Variants in COX10 observed in about 807,000 individuals in gnomAD.
The protein encoded by COX10 is protoheme IX farnesyltransferase, mitochondrial.
A neutral mutation model predicts 37.3 loss-of-function variants in COX10; 27 were observed. The ratio of observed to expected loss-of-function variants is 0.72; its 90% CI spans 0.53 to 1.00. The LOEUF (loss-of-function observed/expected upper bound fraction) is 1.00, where lower values mean the gene tolerates loss of function less well. COX10 is among the 50% of genes least tolerant of loss of function. COX10 has a pLI of 0.00. For missense variants in COX10, 475 were observed against 563.2 expected, an observed-to-expected ratio of 0.84 and a Z score of 1.59; for synonymous variants, 222 against 229.1, an observed-to-expected ratio of 0.97 and a Z score of 0.28.
chr17:14,134,916 A>G lies in COX10; in HGVS notation c.625-24961A>G, dbSNP rs568189999. On this transcript the variant is annotated intron_variant, in intron 4 of 6. Coordinates refer to ENST00000261643, the MANE Select transcript of COX10 (RefSeq NM_001303.4). ...TAACGTTGCAGAACTGTATAGTACA[A>G]TATTACAAGCAGGATGTTGACTTTT... 6.6e-5 allele frequency among the ~76,000 whole-genome samples: 10 copies of G among 151,940 alleles called. No individual in the cohort carries two copies. In the East Asian group the frequency reaches 7.7e-4, roughly 12 times the overall value.
At chr17:14,160,747 G>A (rs1417455978) in intron 5 of COX10, among the ~76,000 whole-genome samples, 1 of 152,168 alleles carries the variant, frequency 6.6e-6, no homozygotes, top group Non-Finnish European at 1.5e-5. Context: ...GCTGGTTTTA[G>A]ACATTTCTCA....
chr17:14,153,400 T>G (rs1189958805), intron 4 of COX10, among the ~76,000 whole-genome samples: 1 of 152,204 alleles, frequency 6.6e-6, no homozygotes, highest in East Asian at 1.9e-4. Flanking sequence ...TATTTTACAT[T>G]AAATGGCAGG....
chr17:14,197,931 C>T (rs1333503465), intron 6 of COX10, among the ~76,000 whole-genome samples: 2 of 152,196 alleles, frequency 1.3e-5, no homozygotes, highest in Non-Finnish European at 2.9e-5. Flanking sequence ...GTCCATTTTC[C>T]TCTCAGCCTC....
intron 4 of COX10, among the ~76,000 whole-genome samples, chr17:14,149,336 A>C (rs1482842560): frequency 1.3e-5 from 2 of 152,216 alleles, no homozygotes; most frequent in Non-Finnish European, 2.9e-5. Context: ...GGTATGATGT[A>C]TATGAAATGA....
intron 6 of COX10, among the ~76,000 whole-genome samples, chr17:14,192,545 T>G (rs550234048): frequency 7.0e-4 from 107 of 152,244 alleles, no homozygotes; most frequent in African/African-American, 2.5e-3. Flanking sequence ...AAGCTAGGAC[T>G]AACGAATTCA....
chr17:14,161,549 C>G (rs939151887), intron 5 of COX10, among the ~76,000 whole-genome samples: 11 of 152,162 alleles, frequency 7.2e-5, no homozygotes, highest in African/African-American at 2.6e-4. Flanking sequence ...GAGGGTGTTT[C>G]CAGAGGAGGA....
chr17:14,182,979 T>G (rs527580474), intron 5 of COX10, among the ~76,000 whole-genome samples: 1 of 152,164 alleles, frequency 6.6e-6, no homozygotes, highest in East Asian at 1.9e-4. Context: ...CTGTAGAAAA[T>G]TATACTTTCG....
chr17:14,158,479 T>C (rs1905099887), intron 4 of COX10, among the ~76,000 whole-genome samples: 1 of 151,554 alleles, frequency 6.6e-6, no homozygotes, highest in Admixed American at 6.6e-5. Context: ...TATTTGTCTT[T>C]TTAGCACTAG....
At chr17:14,105,691 C>T (rs1254046135) in intron 4 of COX10, among the ~76,000 whole-genome samples, 1 of 151,956 alleles carries the variant, frequency 6.6e-6, no homozygotes, top group East Asian at 1.9e-4. Context: ...GCAAAAATAA[C>T]AATAACAAAT....
At chr17:14,107,684 C>T (rs556408909) in intron 4 of COX10, among the ~76,000 whole-genome samples, 14 of 152,194 alleles carry the variant, frequency 9.2e-5, no homozygotes, top group African/African-American at 3.1e-4. Context: ...CACACACACA[C>T]ACACACACAC....
At chr17:14,144,413 T>G (rs1311420568) in intron 4 of COX10, among the ~76,000 whole-genome samples, 1 of 152,150 alleles carries the variant, frequency 6.6e-6, no homozygotes, top group Non-Finnish European at 1.5e-5. Flanking sequence ...TGTGAGGGGA[T>G]CTGCAAGGAT....
intron 6 of COX10, among the ~76,000 whole-genome samples, chr17:14,192,516 A>G (rs547395510): frequency 3.0e-4 from 46 of 152,340 alleles, no homozygotes; most frequent in African/African-American, 1.1e-3. Context: ...ACCTGAAGCT[A>G]TGATGAAAAT....
At chr17:14,164,719 T>TTCCTC (rs1905240114) in intron 5 of COX10, among the ~76,000 whole-genome samples, 7 of 152,036 alleles carry the variant, frequency 4.6e-5, no homozygotes, top group African/African-American at 1.7e-4. Flanking sequence ...CCGTTTAGAG[T>TTCCTC]ATGTGACCTT....
intron 3 of COX10, among the ~76,000 whole-genome samples, chr17:14,082,229 G>A (rs182627813): frequency 4.6e-5 from 7 of 152,268 alleles, no homozygotes; most frequent in Admixed American, 4.6e-4. Context: ...TCAGAGGGAG[G>A]AAGACCGGAA....
Position 14,124,384 on chromosome 17 carries a change from G to A in COX10, c.624+22142G>A, listed in dbSNP as rs566041025. Among the ~76,000 whole-genome samples, 17 of 152,226 alleles carry A rather than the reference G, an allele frequency of 1.1e-4. No individual in the cohort carries two copies. In the South Asian group the frequency reaches 3.5e-3, roughly 32 times the overall value. On this transcript the variant is annotated intron_variant, in intron 4 of 6. Transcript: ENST00000261643. ...ATATCCTAAGCATATTACACAGTAAGTTTTTTCCTAATTTCCATTCGCATA... is the reference window on the plus strand; with the variant it reads ...ATATCCTAAGCATATTACACAGTAAATTTTTTCCTAATTTCCATTCGCATA...
intron 4 of COX10, among the ~76,000 whole-genome samples, chr17:14,120,057 G>A (rs892825119): frequency 3.3e-5 from 5 of 152,182 alleles, no homozygotes; most frequent in Admixed American, 6.5e-5. Context: ...TTTAGAGGTT[G>A]ATTAGCAGTG....
rs1905292334 is a variant in COX10 at position 14,166,654 on chromosome 17, C to CAGGCTAGA, written c.695+6712_695+6713insAGAAGGCT. On this transcript the variant is annotated intron_variant, in intron 5 of 6. Transcript: ENST00000261643. ...TTTTTGAGACAGTCTTCCTCTCACTCAGGCTGGAGTACGGTGGTGCGATCT... is the reference window on the plus strand; with the variant it reads ...TTTTTGAGACAGTCTTCCTCTCACTCAGGCTAGAAGGCTGGAGTACGGTGGTGCGATCT... 2.8e-5 allele frequency among the ~76,000 whole-genome samples: 4 copies of CAGGCTAGA among 142,186 alleles called. No individual in the cohort carries two copies. In the Admixed American group the frequency reaches 2.9e-4, roughly 10 times the overall value. The allele number at this position is 142,186 out of a possible 152,430, so 93.3% of individuals were successfully genotyped here.
chr17:14,134,702 C>G (rs1182007634), intron 4 of COX10, among the ~76,000 whole-genome samples: 1 of 151,148 alleles, frequency 6.6e-6, no homozygotes, highest in African/African-American at 2.4e-5. Context: ...TGCTATTTAA[C>G]TTTAATAGCA....
chr17:14,120,075 GAGAGAA>G (rs1229582471), intron 4 of COX10, among the ~76,000 whole-genome samples: 1 of 152,162 alleles, frequency 6.6e-6, no homozygotes, highest in Non-Finnish European at 1.5e-5. Flanking sequence ...GTGGTGGAAA[GAGAGAA>G]AGAAGTTTTT....
Sources: allele counts gnomAD v4.1 joint callset (sites outside exome capture counted in the v4.1 genomes callset), GRCh38; gene constraint gnomAD v4.1.1; transcripts MANE v1.5; gene names NCBI Gene and HGNC (gene_info 2026-07-23, HGNC 2026-07-21).